The following FBN2 variants were observed in gnomAD, a reference collection of about 807,000 sequenced individuals.
FBN2 encodes the protein fibrillin 2, also known as fibrillin-2.
FBN2 carries 105 observed loss-of-function variants against 355.6 expected under a neutral mutation model. The ratio of observed to expected loss-of-function variants is 0.30; its 90% CI spans 0.25 to 0.35. The LOEUF is 0.35. FBN2 is among the 10% of genes least tolerant of loss of function. FBN2 has a pLI of 1.00. For synonymous variants in FBN2, 1,350 were observed against 1,301.2 expected (o/e 1.04, Z -0.81); for missense variants, 3,280 against 3,758.7 (o/e 0.87, Z 3.33).
intron 46 of FBN2, among the ~76,000 whole-genome samples, chr5:128,302,440 G>C (rs1561758354): frequency 6.6e-6 from 1 of 152,182 alleles, no homozygotes; most frequent in Admixed American, 6.5e-5. Flanking sequence ...CTAAAGTCCT[G>C]TATGGCGCAT....
rs745759959 is a variant in FBN2 at position 128,305,525 on chromosome 5, T to C, written c.5660A>G (p.Asn1887Ser). 8.7e-6 allele frequency: 14 copies of C among 1,613,982 alleles called. No homozygotes were observed. The highest frequency in any genetic ancestry group is 5.0e-5 in the Admixed American group (3 of 59,974). ...ECAAGFKLSPNGACVDRNECL... is the reference protein window; with the variant it reads ...ECAAGFKLSPSGACVDRNECL... ...CTCTTTCTTACCTACACAGGCCCCA[T>C]TGGGTGAAAGTTTGAAACCCGCGGC... The change falls in exon 44 of 65, where the codon AAT becomes AGT. Residue 1887 changes from asparagine to serine, a missense_variant. Physicochemically the swap from Asn to Ser is conservative, Grantham distance 46 (BLOSUM62 1). Around this residue, in one of 6 missense-constraint regions of FBN2, gnomAD observed 2,284 missense variants for 2,749.5 expected, o/e 0.83. Coordinates refer to ENST00000262464, the MANE Select transcript of FBN2 (RefSeq NM_001999.4).
intron 13 of FBN2, 69 bp downstream of exon 13, chr5:128,377,683 G>T: frequency 1.3e-6 from 2 of 1,525,908 alleles, no homozygotes; most frequent in Non-Finnish European, 1.8e-6. Context: ...CATGGAAATA[G>T]TACATGGTTC....
intron 27 of FBN2, among the ~76,000 whole-genome samples, chr5:128,337,507 A>G (rs1335493824): frequency 2.0e-5 from 3 of 152,236 alleles, no homozygotes; most frequent in Non-Finnish European, 4.4e-5. Context: ...GTCTTCTCAT[A>G]TCCTTTCTGG....
At chr5:128,509,403 T>G (rs1756051801) in intron 5 of FBN2, among the ~76,000 whole-genome samples, 1 of 152,162 alleles carries the variant, frequency 6.6e-6, no homozygotes, top group Non-Finnish European at 1.5e-5. Flanking sequence ...CCTCAGACAT[T>G]GTAGTTTTCA....
chr5:128,507,936 T>A (rs1263932769), intron 5 of FBN2, among the ~76,000 whole-genome samples: 2 of 152,022 alleles, frequency 1.3e-5, no homozygotes, highest in Non-Finnish European at 2.9e-5. Flanking sequence ...ATTTCATGTA[T>A]TTTGAAGCTA....
At chr5:128,513,918 T>G (rs544803299) in intron 5 of FBN2, among the ~76,000 whole-genome samples, 1 of 152,202 alleles carries the variant, frequency 6.6e-6, no homozygotes, top group South Asian at 2.1e-4. Context: ...AAAGTTAAGT[T>G]CCCACAGATC....
At chr5:128,312,395 C>T (rs1048640741) in intron 37 of FBN2, among the ~76,000 whole-genome samples, 1 of 152,190 alleles carries the variant, frequency 6.6e-6, no homozygotes, top group Non-Finnish European at 1.5e-5. Flanking sequence ...TAGTACTATT[C>T]ATACATGATT....
At chr5:128,376,090 G>T (rs914371184) in intron 14 of FBN2, among the ~76,000 whole-genome samples, 1 of 152,024 alleles carries the variant, frequency 6.6e-6, no homozygotes, top group Admixed American at 6.6e-5. Flanking sequence ...AGTAGAAGCT[G>T]CAAAATGTAT....
intron 2 of FBN2, among the ~76,000 whole-genome samples, chr5:128,533,373 CTG>C (rs1348866860): frequency 6.6e-6 from 1 of 152,192 alleles, no homozygotes; most frequent in Non-Finnish European, 1.5e-5. Context: ...GGTATATACT[CTG>C]TATCTGTGAG....
At chr5:128,335,624 A>G in intron 28 of FBN2, 47 bp from the exon 29 acceptor site, 1 of 1,612,336 alleles carries the variant, frequency 6.2e-7, no homozygotes, top group Non-Finnish European at 8.5e-7. Context: ...GCTTCCTTAA[A>G]AGGAGTTTTC....
chr5:128,400,263 A>G (rs1162182900), intron 8 of FBN2, among the ~76,000 whole-genome samples: 1 of 152,048 alleles, frequency 6.6e-6, no homozygotes, highest in East Asian at 1.9e-4. Context: ...TAGACCACAA[A>G]TAAAGAAAAA....
chr5:128,340,373 G>A (rs1750979041), intron 25 of FBN2, among the ~76,000 whole-genome samples: 1 of 152,080 alleles, frequency 6.6e-6, no homozygotes, highest in African/African-American at 2.4e-5. Flanking sequence ...AATTACAGGA[G>A]TCTTTATTTA....
At chr5:128,398,954 T>C (rs1045655873) in intron 8 of FBN2, among the ~76,000 whole-genome samples, 2 of 152,212 alleles carry the variant, frequency 1.3e-5, no homozygotes, top group African/African-American at 4.8e-5. Context: ...TCCCCAGCCA[T>C]ATGGAACTGT....
At chr5:128,520,775 T>C (rs538664229) in intron 4 of FBN2, among the ~76,000 whole-genome samples, 2 of 152,302 alleles carry the variant, frequency 1.3e-5, no homozygotes, top group South Asian at 4.1e-4. Context: ...AAAGGCATGA[T>C]TCTGTGTGTC....
chr5:128,490,402 A>C (rs764368), intron 5 of FBN2, among the ~76,000 whole-genome samples: 75,579 of 152,086 alleles, frequency 0.5, 22,043 homozygotes, highest in African/African-American at 0.82. Flanking sequence ...CAAAGCGAAC[A>C]AAGATAATTG....
chr5:128,507,627 A>G (rs1755999787), intron 5 of FBN2, among the ~76,000 whole-genome samples: 2 of 152,028 alleles, frequency 1.3e-5, no homozygotes, highest in Admixed American at 6.6e-5. Flanking sequence ...TTGGCGATAT[A>G]TGTCTTTCAA....
rs1204905357 is a variant in FBN2 at position 128,537,399 on chromosome 5, C to T, written c.205G>A (p.Ala69Thr). 6.2e-7 allele frequency: 1 copy of T among 1,610,236 alleles called. No individual in the cohort carries two copies. The highest frequency in any genetic ancestry group is 8.5e-7 in the Non-Finnish European group (1 of 1,179,514). ...CGCCGGCGGACGCGGCTGGCCACTGCGGCACCCTCCTCGCGATACTCGGGC... is the reference window on the plus strand; with the variant it reads ...CGCCGGCGGACGCGGCTGGCCACTGTGGCACCCTCCTCGCGATACTCGGGC... Reference protein sequence around the residue: ...LAPEYREEGAAVASRVRRRGQ... With the variant: ...LAPEYREEGATVASRVRRRGQ... The change falls in exon 1 of 65, where the codon GCA (alanine) becomes ACA (threonine). Residue 69 changes from alanine to threonine, a missense_variant. Ala to Thr is a moderately conservative substitution (Grantham distance 58). Around this residue, in one of 6 missense-constraint regions of FBN2, gnomAD observed 203 missense variants for 142.2 expected, o/e 1.43. Transcript: ENST00000262464.
chr5:128,266,503 A>G (rs1765116614), intron 62 of FBN2, among the ~76,000 whole-genome samples: 1 of 152,118 alleles, frequency 6.6e-6, no homozygotes, highest in South Asian at 2.1e-4. Flanking sequence ...CATAAAGGGG[A>G]ACTGGGATAC....
At chr5:128,474,084 G>A (rs1370236864) in intron 5 of FBN2, among the ~76,000 whole-genome samples, 1 of 152,150 alleles carries the variant, frequency 6.6e-6, no homozygotes, top group Non-Finnish European at 1.5e-5. Context: ...TATCTTTGAT[G>A]TCACGTTTCA....
Sources: gnomAD v4.1 joint callset for allele counts (sites outside exome capture counted in the v4.1 genomes callset) on GRCh38, gnomAD v4.1.1 for gene constraint, gnomAD v4.1.1 regional missense constraint, MANE v1.5 for transcripts, NCBI Gene and HGNC (gene_info 2026-07-23, HGNC 2026-07-21) for gene names.